PIP5K1B: variants seen among roughly 807,000 people sequenced by gnomAD.
The protein encoded by PIP5K1B is phosphatidylinositol 4-phosphate 5-kinase type-1 beta.
PIP5K1B carries 42 observed loss-of-function variants against 67.0 expected under a neutral mutation model. The observed-to-expected ratio is 0.63, with a 90% CI of 0.49 to 0.81. The LOEUF is 0.81. Ranked by LOEUF, PIP5K1B falls within the 30% of genes least tolerant of loss-of-function variation. The probability of loss-of-function intolerance (pLI) is 0.00; values close to 1 mark genes in which losing one functional copy is unlikely to be tolerated. For missense variants in PIP5K1B, 459 were observed against 646.3 expected (o/e 0.71, Z 3.14); for synonymous variants, 214 against 231.4 (o/e 0.92, Z 0.68).
chr9:68,987,750 A>C (rs1453292273), intron 14 of PIP5K1B, among the ~76,000 whole-genome samples: 3 of 152,278 alleles, frequency 2.0e-5, no homozygotes, highest in Admixed American at 2.0e-4. Flanking sequence ...CACTTCTTAC[A>C]TGGCAGTGGC....
chr9:68,788,503 T>TGTTTTGTTTTG, intron 2 of PIP5K1B: 2 of 371,318 alleles, frequency 5.4e-6, no homozygotes, highest in Non-Finnish European at 9.9e-6. Context: ...TGTTTTGTTT[T>TGTTTTGTTTTG]TTAGTAATAG....
intron 14 of PIP5K1B, among the ~76,000 whole-genome samples, chr9:68,949,867 C>T (rs1827974616): frequency 6.6e-6 from 1 of 152,292 alleles, no homozygotes; most frequent in East Asian, 1.9e-4. Context: ...GGTCAGAGCT[C>T]GGCGTTTGCC....
chr9:68,736,012 T>A (rs1323515010), intron 1 of PIP5K1B, among the ~76,000 whole-genome samples: 1 of 151,410 alleles, frequency 6.6e-6, no homozygotes, highest in East Asian at 1.9e-4. Context: ...TGAGATGGAG[T>A]GAGTGAGGAC....
At chr9:68,823,175 G>T (rs1211063641) in intron 4 of PIP5K1B, among the ~76,000 whole-genome samples, 1 of 152,168 alleles carries the variant, frequency 6.6e-6, no homozygotes, top group Non-Finnish European at 1.5e-5. Flanking sequence ...AAGGTCAGCT[G>T]ATTAGCAACG....
chr9:68,928,121 A>G (rs1427881520), intron 12 of PIP5K1B, among the ~76,000 whole-genome samples: 1 of 152,076 alleles, frequency 6.6e-6, no homozygotes. Flanking sequence ...TATAATAAGG[A>G]TTTACTTCTT....
At chr9:68,930,550 C>T (rs1447783071) in intron 12 of PIP5K1B, among the ~76,000 whole-genome samples, 1 of 152,100 alleles carries the variant, frequency 6.6e-6, no homozygotes, top group Non-Finnish European at 1.5e-5. Flanking sequence ...TCTCACAGTA[C>T]CTCTCCTGAT....
At position 68,926,498 on chromosome 9, in the gene PIP5K1B, TA is replaced by T. The variant is rs1826708799; in HGVS notation, c.1201+3115del. Among the ~76,000 whole-genome samples the T allele has an allele frequency of 2.6e-5, 4 of 152,296 alleles. 1 individual carries two copies. Among genetic ancestry groups the T allele is most frequent in the African/African-American group, 9.6e-5 (4 of 41,572 alleles). On this transcript the variant is annotated intron_variant, in intron 12 of 15. Transcript: ENST00000265382. The stretch of plus-strand genomic sequence containing the variant: ...TTAAGATGTGTATGCTTCACCCTTT[TA>T]AAGTGTACAGGCCTATGATTCTTGA...
chr9:68,849,358 A>G (rs969689384), intron 4 of PIP5K1B, among the ~76,000 whole-genome samples: 2 of 152,154 alleles, frequency 1.3e-5, no homozygotes, highest in Non-Finnish European at 2.9e-5. Context: ...GAAACAAAGT[A>G]TGAATAGTAC....
intron 1 of PIP5K1B, among the ~76,000 whole-genome samples, chr9:68,724,180 C>T (rs1476246960): frequency 1.3e-5 from 2 of 150,892 alleles, no homozygotes; most frequent in Non-Finnish European, 2.9e-5. Flanking sequence ...GGGTTGGCTG[C>T]AAGTGTGTGG....
chr9:68,812,911 G>C (rs1396581121), intron 2 of PIP5K1B, among the ~76,000 whole-genome samples: 1 of 152,150 alleles, frequency 6.6e-6, no homozygotes, highest in African/African-American at 2.4e-5. Context: ...TATCATTATG[G>C]AATTTTGAAC....
chr9:68,777,655 T>TA (rs1830984993), intron 2 of PIP5K1B, among the ~76,000 whole-genome samples: 1 of 152,210 alleles, frequency 6.6e-6, no homozygotes, highest in Non-Finnish European at 1.5e-5. Context: ...AAGAACCAAA[T>TA]AGCATATATG....
chr9:68,712,120 T>C (rs1827421159), intron 1 of PIP5K1B, among the ~76,000 whole-genome samples: 1 of 152,228 alleles, frequency 6.6e-6, no homozygotes, highest in African/African-American at 2.4e-5. Context: ...ATGAATGGCT[T>C]AGTACACTCC....
intron 2 of PIP5K1B, among the ~76,000 whole-genome samples, chr9:68,768,298 G>A (rs866343269): frequency 5.3e-5 from 8 of 152,272 alleles, no homozygotes; most frequent in African/African-American, 1.9e-4. Context: ...ATGATTTGAA[G>A]TTTCCACCAT....
intron 2 of PIP5K1B, among the ~76,000 whole-genome samples, chr9:68,793,033 A>T (rs893699405): frequency 9.9e-6 from 1 of 100,616 alleles, no homozygotes; most frequent in Non-Finnish European, 2.3e-5. Flanking sequence ...TAACAAACAT[A>T]AAAAATAAGT....
intron 2 of PIP5K1B, chr9:68,784,262 G>A (rs1024374591): frequency 1.2e-5 from 2 of 167,060 alleles, no homozygotes; most frequent in African/African-American, 2.4e-5. Flanking sequence ...TAAGGTATTA[G>A]TATTGCTAAT....
chr9:68,947,028 T>G (rs79658893), intron 14 of PIP5K1B, among the ~76,000 whole-genome samples: 5,612 of 152,224 alleles, frequency 0.037, 149 homozygotes, highest in African/African-American at 0.073. Context: ...AATAACCAAG[T>G]GATTTGAGAC....
At chr9:68,987,333 G>A (rs935060415) in intron 14 of PIP5K1B, among the ~76,000 whole-genome samples, 1 of 152,106 alleles carries the variant, frequency 6.6e-6, no homozygotes, top group East Asian at 1.9e-4. Flanking sequence ...GGAGGCCGAG[G>A]TGAGCAGATC....
chr9:68,802,285 A>G (rs1390853778), intron 2 of PIP5K1B, among the ~76,000 whole-genome samples: 2 of 152,256 alleles, frequency 1.3e-5, no homozygotes. Context: ...TTTATGAAGC[A>G]TCTACTTAAT....
intron 2 of PIP5K1B, among the ~76,000 whole-genome samples, chr9:68,749,810 C>G (rs544546321): frequency 6.6e-6 from 1 of 152,254 alleles, no homozygotes; most frequent in Non-Finnish European, 1.5e-5. Context: ...TAGTTCCTTC[C>G]CCCTAGTTAC....
Sources: gnomAD v4.1 joint callset for allele counts (sites outside exome capture counted in the v4.1 genomes callset) on GRCh38, gnomAD v4.1.1 for gene constraint, MANE v1.5 for transcripts, NCBI Gene and HGNC (gene_info 2026-07-23, HGNC 2026-07-21) for gene names.